PTPRM: variants seen among roughly 807,000 people sequenced by gnomAD.
The protein encoded by PTPRM is receptor-type tyrosine-protein phosphatase mu.
PTPRM carries 47 observed loss-of-function variants against 186.7 expected under a neutral mutation model. The observed-to-expected ratio is 0.25, with a 90% CI of 0.20 to 0.32. The LOEUF (loss-of-function observed/expected upper bound fraction) is 0.32. PTPRM is among the 10% of genes least tolerant of loss of function. The pLI, the probability that PTPRM is intolerant of heterozygous loss-of-function variation, is 1.00. For synonymous variants in PTPRM, 668 were observed against 674.9 expected, an observed-to-expected ratio of 0.99 and a Z score of 0.16; for missense variants, 1,494 against 1,865.0, an observed-to-expected ratio of 0.80 and a Z score of 3.66.
At chr18:7,569,717 A>G (rs2036523232) in intron 1 of PTPRM, among the ~76,000 whole-genome samples, 3 of 152,236 alleles carry the variant, frequency 2.0e-5, no homozygotes, top group African/African-American at 7.2e-5. Context: ...AAAGGATTTC[A>G]GCCTCAGTTG....
intron 11 of PTPRM, among the ~76,000 whole-genome samples, chr18:8,104,447 GT>G (rs1451102526): frequency 1.3e-5 from 2 of 151,882 alleles, no homozygotes; most frequent in Non-Finnish European, 2.9e-5. Flanking sequence ...TTGTTTGTTC[GT>G]TTTGTTATGT....
intron 2 of PTPRM, among the ~76,000 whole-genome samples, chr18:7,857,080 A>G (rs953275972): frequency 6.6e-5 from 10 of 152,088 alleles, no homozygotes; most frequent in African/African-American, 2.4e-4. Context: ...CTTCTGGGAA[A>G]CACTTCTTGA....
chr18:8,252,842 GTTTA>G (rs1157298916), intron 18 of PTPRM, among the ~76,000 whole-genome samples: 1 of 152,138 alleles, frequency 6.6e-6, no homozygotes, highest in Non-Finnish European at 1.5e-5. Context: ...TTTGTGCAGA[GTTTA>G]TTTATGTCAT....
chr18:7,586,548 C>T (rs1030206877), intron 1 of PTPRM, among the ~76,000 whole-genome samples: 1 of 152,120 alleles, frequency 6.6e-6, no homozygotes, highest in Admixed American at 6.5e-5. Flanking sequence ...TGAAACCTTG[C>T]CAGTGAAATG....
intron 1 of PTPRM, among the ~76,000 whole-genome samples, chr18:7,683,592 G>A (rs1475962385): frequency 2.6e-5 from 4 of 152,150 alleles, no homozygotes; most frequent in African/African-American, 9.7e-5. Flanking sequence ...ACTTCCCAAA[G>A]TCACTCTTTT....
chr18:8,353,878 A>G (rs16953349), intron 23 of PTPRM, among the ~76,000 whole-genome samples: 10,301 of 152,250 alleles, frequency 0.068, 388 homozygotes, highest in South Asian at 0.1. Context: ...CAAGATGAAA[A>G]GACATGGCAC....
chr18:7,796,775 T>A (rs1267230320), intron 2 of PTPRM, among the ~76,000 whole-genome samples: 1 of 152,180 alleles, frequency 6.6e-6, no homozygotes, highest in East Asian at 1.9e-4. Flanking sequence ...GAGGCCTAAT[T>A]TAGCCAGTCA....
Position 7,753,902 on chromosome 18 carries a change from A to AT in PTPRM, c.74-20242dup, listed in dbSNP as rs145414327. Among the ~76,000 whole-genome samples the AT allele has an allele frequency of 4.9e-3, 741 of 151,042 alleles. 4 individuals carry two copies. The highest frequency in any genetic ancestry group is 0.017 in the African/African-American group (701 of 41,082). ...ATTTTGGGACCTGCTACACTGTTGG[A>AT]TTTTTGGCTTTACTCACCTTTTCCC... On this transcript the variant is annotated intron_variant, in intron 1 of 32. Transcript: ENST00000580170.
intron 4 of PTPRM, among the ~76,000 whole-genome samples, chr18:7,912,291 T>A (rs569748701): frequency 1.1e-4 from 17 of 152,334 alleles, no homozygotes; most frequent in African/African-American, 3.8e-4. Context: ...CACTGTTCTT[T>A]CCCCATTAAA....
chr18:8,367,613 G>A (rs1471540124), intron 23 of PTPRM, among the ~76,000 whole-genome samples: 2 of 152,274 alleles, frequency 1.3e-5, no homozygotes, highest in Non-Finnish European at 2.9e-5. Flanking sequence ...GGGACCAGGA[G>A]CCTGAGAGCC....
At chr18:7,633,012 A>G (rs745641769) in intron 1 of PTPRM, among the ~76,000 whole-genome samples, 4 of 152,178 alleles carry the variant, frequency 2.6e-5, no homozygotes, top group Non-Finnish European at 5.9e-5. Context: ...ACAGTATGTC[A>G]TTACAGCAGC....
intron 21 of PTPRM, among the ~76,000 whole-genome samples, chr18:8,318,949 C>T (rs1027298460): frequency 1.3e-5 from 2 of 152,176 alleles, no homozygotes; most frequent in African/African-American, 4.8e-5. Flanking sequence ...ATCTCATAGC[C>T]AGTTATGATT....
intron 13 of PTPRM, among the ~76,000 whole-genome samples, chr18:8,139,206 C>T (rs754728850): frequency 1.5e-4 from 23 of 152,172 alleles, no homozygotes; most frequent in Admixed American, 8.5e-4. Flanking sequence ...CTGCAGTTCT[C>T]GCCCTGTCAG....
chr18:7,798,524 G>A lies in PTPRM; in HGVS notation c.196+24253G>A, dbSNP rs140688715. 1.4e-3 allele frequency among the ~76,000 whole-genome samples: 209 copies of A among 148,686 alleles called. 2 individuals carry two copies. The highest frequency in any genetic ancestry group is 2.4e-3 in the Non-Finnish European group (164 of 67,350). On this transcript the variant is annotated intron_variant, in intron 2 of 32. Transcript: ENST00000580170. ...AGCCTGGGCGACAGGGCAAGAATCC[G>A]TCTCAAAAAAAAAAAAGGTTAAGAT... is the stretch of plus-strand genomic sequence containing the variant.
intron 14 of PTPRM, among the ~76,000 whole-genome samples, chr18:8,206,898 G>A (rs7228327): frequency 0.036 from 5,511 of 152,066 alleles, 313 homozygotes; most frequent in African/African-American, 0.13. Flanking sequence ...GAAGAGACAC[G>A]GGGAGAAGGC....
At chr18:8,333,127 T>C (rs185737180) in intron 22 of PTPRM, among the ~76,000 whole-genome samples, 1 of 152,222 alleles carries the variant, frequency 6.6e-6, no homozygotes, top group Non-Finnish European at 1.5e-5. Flanking sequence ...TTCCTTTAAA[T>C]GGTAATTTTC....
chr18:7,832,033 G>T (rs2045787717), intron 2 of PTPRM, among the ~76,000 whole-genome samples: 1 of 152,124 alleles, frequency 6.6e-6, no homozygotes, highest in Non-Finnish European at 1.5e-5. Flanking sequence ...TCTGTTGATG[G>T]ACACTTATGT....
intron 7 of PTPRM, among the ~76,000 whole-genome samples, chr18:7,994,556 C>G (rs1202573956): frequency 6.6e-6 from 1 of 152,100 alleles, no homozygotes; most frequent in Non-Finnish European, 1.5e-5. Flanking sequence ...GAATTTTCTC[C>G]AGGTTACACT....
chr18:7,993,834 A>G (rs2083391109), intron 7 of PTPRM, among the ~76,000 whole-genome samples: 1 of 152,162 alleles, frequency 6.6e-6, no homozygotes, highest in South Asian at 2.1e-4. Context: ...ACCGAAAGGA[A>G]TGAAATGTTA....
Sources: allele counts gnomAD v4.1 joint callset (sites outside exome capture counted in the v4.1 genomes callset), GRCh38; gene constraint gnomAD v4.1.1; transcripts MANE v1.5; gene names NCBI Gene and HGNC (gene_info 2026-07-23, HGNC 2026-07-21).